The following PRDM16 variants were observed in gnomAD, a reference collection of about 807,000 sequenced individuals.
PRDM16 encodes the protein PR/SET domain 16, also known as histone-lysine N-methyltransferase PRDM16.
A neutral mutation model predicts 110.6 loss-of-function variants in PRDM16; 23 were observed. That is an observed-to-expected ratio of 0.21 (90% CI 0.15 to 0.29). The LOEUF is 0.29. Among genes scored for constraint, PRDM16 ranks in the 10% least tolerant of loss-of-function variants. The probability of loss-of-function intolerance (pLI) is 1.00; values close to 1 mark genes in which losing one functional copy is unlikely to be tolerated. For synonymous variants in PRDM16, 799 were observed against 781.8 expected, an observed-to-expected ratio of 1.02 and a Z score of -0.37; for missense variants, 1,615 against 1,794.3, an observed-to-expected ratio of 0.90 and a Z score of 1.81.
rs1208336489 is a variant in PRDM16, at chr1:3,434,034, C to T, written c.*223C>T. 1.9e-6 allele frequency: 1 copy of T among 540,372 alleles called. No homozygotes were observed. 33.5% of individuals were successfully genotyped at this position (540,372 alleles called of 1,614,324 possible). A position where few individuals can be genotyped will look rare whatever the true frequency, so the allele number is the denominator to read the frequency against. ...TCTCCAAGGATTGGTCTTGAGAACA[C>T]TGTTCAGTGACGGCCATGCAGGTGG... On this transcript the variant is annotated 3_prime_UTR_variant, in exon 17 of 17. Coordinates refer to ENST00000270722, the MANE Select transcript of PRDM16 (RefSeq NM_022114.4).
In PRDM16 at chr1:3,165,711, T is replaced by C. The variant is rs867646628; in HGVS notation, c.38-20414T>C. Among the ~76,000 whole-genome samples, 325 of 64,848 alleles carry C rather than the reference T, an allele frequency of 5.0e-3. 6 individuals are homozygous for C. Among genetic ancestry groups the C allele is most frequent in the African/African-American group, 0.029 (229 of 7,776 alleles). 42.5% of individuals were successfully genotyped at this position (64,848 alleles called of 152,430 possible). On this transcript the variant is annotated intron_variant, in intron 1 of 16. Coordinates refer to ENST00000270722, the MANE Select transcript of PRDM16 (RefSeq NM_022114.4). ...CCCAGGGACAGGGACTCACCTGGGC[T>C]CAGGGACAGTGACTCACCTGGGCTC...
At chr1:3,141,350 T>C (rs1473103157) in intron 1 of PRDM16, among the ~76,000 whole-genome samples, 1 of 152,206 alleles carries the variant, frequency 6.6e-6, no homozygotes, top group Non-Finnish European at 1.5e-5. Context: ...GACTGGTGCC[T>C]GCAATTTGCA....
intron 1 of PRDM16, among the ~76,000 whole-genome samples, chr1:3,177,443 G>A (rs1377650798): frequency 6.6e-6 from 1 of 152,226 alleles, no homozygotes; most frequent in East Asian, 1.9e-4. Flanking sequence ...GCTCGTTCCT[G>A]ACTAGCTGTG....
intron 1 of PRDM16, among the ~76,000 whole-genome samples, chr1:3,120,186 G>A (rs1338342062): frequency 6.6e-6 from 1 of 152,228 alleles, no homozygotes; most frequent in African/African-American, 2.4e-5. Flanking sequence ...TGAAATCCAA[G>A]TAATTAAGGC....
At chr1:3,402,273 C>A (rs1204358462) in intron 5 of PRDM16, among the ~76,000 whole-genome samples, 1 of 152,080 alleles carries the variant, frequency 6.6e-6, no homozygotes, top group African/African-American at 2.4e-5. Flanking sequence ...CCAGAGCCCC[C>A]CACCGGGATG....
In PRDM16 at chr1:3,353,213, G is replaced by C. The variant is rs1313298227; in HGVS notation, c.439-31939G>C. ...CCCTCCTGTAGTAAAAGTTAACCGGGTGTGAAATGCATGTTGCCTGAGGTG... is the reference window on the plus strand; with the variant it reads ...CCCTCCTGTAGTAAAAGTTAACCGGCTGTGAAATGCATGTTGCCTGAGGTG... On this transcript the variant is annotated intron_variant, in intron 3 of 16. Transcript: ENST00000270722. The surrounding 1 kb of genome is among the most constrained non-coding windows in gnomAD (Gnocchi z 5.4). 3.9e-5 allele frequency among the ~76,000 whole-genome samples: 6 copies of C among 152,230 alleles called. No homozygotes were observed. The highest frequency in any genetic ancestry group is 1.4e-4 in the African/African-American group (6 of 41,460).
chr1:3,410,075 CATGT>C (rs1462799695), intron 8 of PRDM16, among the ~76,000 whole-genome samples: 17 of 116,032 alleles, frequency 1.5e-4, no homozygotes, highest in African/African-American at 5.2e-4. Flanking sequence ...TGTGTATGTG[CATGT>C]GTATGAATGT....
Position 3,213,399 on chromosome 1 carries a change from C to G in PRDM16, c.387+26925C>G, listed in dbSNP as rs999848669. Among the ~76,000 whole-genome samples, 6 of 152,180 alleles carry G rather than the reference C, an allele frequency of 3.9e-5. No individual in the cohort carries two copies. Among genetic ancestry groups the G allele is most frequent in the African/African-American group, 1.2e-4 (5 of 41,430 alleles). The stretch of plus-strand genomic sequence containing the variant: ...GCGGGATGGCGGGTCCTGGGCGTCT[C>G]GGCTCCGCCATTGTCATTAATTATA... On this transcript the variant is annotated intron_variant, in intron 2 of 16. Transcript: ENST00000270722. This position sits in a 1 kb window ranked among gnomAD's most constrained non-coding sequence, Gnocchi z 5.3.
intron 3 of PRDM16, among the ~76,000 whole-genome samples, chr1:3,337,014 T>C (rs1642172111): frequency 6.6e-6 from 1 of 151,514 alleles, no homozygotes; most frequent in African/African-American, 2.4e-5. Context: ...CATGCACATG[T>C]GTGTTGGAGT....
At chr1:3,312,437 T>C (rs1238496587) in intron 3 of PRDM16, among the ~76,000 whole-genome samples, 1 of 152,046 alleles carries the variant, frequency 6.6e-6, no homozygotes, top group African/African-American at 2.4e-5. Flanking sequence ...TCCTCCGAGG[T>C]CTGTCCTGGA....
Position 3,435,882 on chromosome 1 carries a change from C to T in PRDM16, c.*2071C>T, listed in dbSNP as rs1240585941. 1.3e-5 allele frequency: 3 copies of T among 231,962 alleles called. No homozygotes were observed. The highest frequency in any genetic ancestry group is 6.6e-5 in the African/African-American group (3 of 45,260). The allele number at this position is 231,962 out of a possible 1,614,324, so 14.4% of individuals were successfully genotyped here. Reference sequence around the variant, plus strand: ...AGGGATTCCTCCCACGCCAGATCTGCACAACGAGGCAAGACAGGACCCACC... The same window carrying T: ...AGGGATTCCTCCCACGCCAGATCTGTACAACGAGGCAAGACAGGACCCACC... On this transcript the variant is annotated 3_prime_UTR_variant, in exon 17 of 17. Coordinates refer to ENST00000270722, the MANE Select transcript of PRDM16 (RefSeq NM_022114.4).
In PRDM16 at chr1:3,229,426, C is replaced by T. The variant is rs375175529; in HGVS notation, c.388-14661C>T. On this transcript the variant is annotated intron_variant, in intron 2 of 16. Transcript: ENST00000270722. ...TCACCCCCATGCCCCTGTCTTTCTC[C>T]TGCACTAAAGGACATTTTTCTCAGT... 5.7e-3 allele frequency among the ~76,000 whole-genome samples: 688 copies of T among 121,008 alleles called. 3 individuals carry two copies. Among genetic ancestry groups the T allele is most frequent in the African/African-American group, 0.036 (662 of 18,178 alleles). The allele number at this position is 121,008 out of a possible 152,430, so 79.4% of individuals were successfully genotyped here. A position where few individuals can be genotyped will look rare whatever the true frequency, so the allele number is the denominator to read the frequency against.
rs1641692567 is a variant in PRDM16 at position 3,069,530 on chromosome 1, C to A, written c.37+234C>A. 6.7e-6 allele frequency among the ~76,000 whole-genome samples: 1 copy of A among 148,738 alleles called. No individual in the cohort carries two copies. The highest frequency in any genetic ancestry group is 2.4e-5 in the African/African-American group (1 of 40,970). On this transcript the variant is annotated intron_variant, in intron 1 of 16. Coordinates refer to ENST00000270722, the MANE Select transcript of PRDM16 (RefSeq NM_022114.4). This position sits in a 1 kb window ranked among gnomAD's most constrained non-coding sequence, Gnocchi z 6.1. ...GCTCCCCGAAGGCGCCGGCCCCCTC[C>A]CCGCGGAACCCCCTCCCCCCCCACC...
At chr1:3,074,032 G>A (rs931126420) in intron 1 of PRDM16, among the ~76,000 whole-genome samples, 1 of 152,230 alleles carries the variant, frequency 6.6e-6, no homozygotes, top group Non-Finnish European at 1.5e-5. Flanking sequence ...GGGCTGTAGG[G>A]GGAGGGAAGA....
chr1:3,144,256 G>C lies in PRDM16; in HGVS notation c.38-41869G>C, dbSNP rs191044160. On this transcript the variant is annotated intron_variant, in intron 1 of 16. Transcript: ENST00000270722. ...CCCGGCCCCACAGGGACCCAGCCCC[G>C]GTACATGGACAACCTGGGTCCCTGG... is the stretch of plus-strand genomic sequence containing the variant. 3.3e-5 allele frequency among the ~76,000 whole-genome samples: 5 copies of C among 152,158 alleles called. No individual in the cohort carries two copies. The South Asian group carries it at 1.0e-3, about 31-fold the overall frequency.
At chr1:3,409,481 C>T (rs1362077014) in intron 8 of PRDM16, among the ~76,000 whole-genome samples, 3 of 152,112 alleles carry the variant, frequency 2.0e-5, no homozygotes, top group Admixed American at 1.3e-4. Flanking sequence ...AAATAGATAT[C>T]GTGATGAAAG....
At position 3,383,326 on chromosome 1, in the gene PRDM16, G is replaced by A. The variant is rs147956225; in HGVS notation, c.439-1826G>A. Among the ~76,000 whole-genome samples, 681 of 152,244 alleles carry A rather than the reference G, an allele frequency of 4.5e-3. 8 individuals are homozygous for A. Among genetic ancestry groups the A allele is most frequent in the African/African-American group, 0.016 (652 of 41,536 alleles). ...GCCCCTCTATCCTGGCTGACCTCCC[G>A]CCCTGCACCCCAATCTATCTCACCC... On this transcript the variant is annotated intron_variant, in intron 3 of 16. Transcript: ENST00000270722.
chr1:3,102,911 G>A (rs1158973044), intron 1 of PRDM16, among the ~76,000 whole-genome samples: 1 of 152,160 alleles, frequency 6.6e-6, no homozygotes, highest in African/African-American at 2.4e-5. Context: ...CCAACCTCAG[G>A]GTCACCTGAC....
chr1:3,266,657 G>C (rs1323425400), intron 3 of PRDM16, among the ~76,000 whole-genome samples: 1 of 152,138 alleles, frequency 6.6e-6, no homozygotes, highest in African/African-American at 2.4e-5. Context: ...ACCACGGTGG[G>C]GCATGCATTT....
Sources: gnomAD v4.1 joint callset for allele counts (sites outside exome capture counted in the v4.1 genomes callset) on GRCh38, gnomAD v4.1.1 for gene constraint, Gnocchi (gnomAD v3.1) non-coding constraint, MANE v1.5 for transcripts, NCBI Gene and HGNC (gene_info 2026-07-23, HGNC 2026-07-21) for gene names.